Variants in FHOD3 observed in about 807,000 individuals in gnomAD.
FHOD3 encodes the protein formin homology 2 domain containing 3, also known as FH1/FH2 domain-containing protein 3.
In FHOD3, 90 loss-of-function variants were observed where a neutral mutation model predicts 173.0. That is an observed-to-expected ratio of 0.52 (90% CI 0.44 to 0.62). The LOEUF is 0.62. FHOD3 is among the 20% of genes least tolerant of loss of function. The pLI is 0.00. For synonymous variants in FHOD3, 828 were observed against 823.0 expected, an observed-to-expected ratio of 1.01 and a Z score of -0.10; for missense variants, 1,945 against 2,034.7, an observed-to-expected ratio of 0.96 and a Z score of 0.85.
chr18:36,392,133 G>A (rs527510400), intron 3 of FHOD3, among the ~76,000 whole-genome samples: 3 of 152,246 alleles, frequency 2.0e-5, no homozygotes, highest in South Asian at 4.2e-4. Flanking sequence ...CCTTGAGCAG[G>A]CGATTTCTCA....
chr18:36,637,411 A>G (rs2034967370), intron 10 of FHOD3, among the ~76,000 whole-genome samples: 1 of 152,116 alleles, frequency 6.6e-6, no homozygotes, highest in Non-Finnish European at 1.5e-5. Flanking sequence ...TCATGTGAGC[A>G]CATCCAGCTA....
intron 4 of FHOD3, among the ~76,000 whole-genome samples, chr18:36,510,986 A>C (rs1057398601): frequency 6.6e-6 from 1 of 152,164 alleles, no homozygotes; most frequent in South Asian, 2.1e-4. Context: ...TAATTGAAAA[A>C]TGCCATAAAA....
Position 36,742,821 on chromosome 18 carries a change from C to G in FHOD3, c.3844C>G (p.Leu1282Val). 3.1e-6 allele frequency: 5 copies of G among 1,613,982 alleles called. No homozygotes were observed. The highest frequency in any genetic ancestry group is 4.2e-6 in the Non-Finnish European group (5 of 1,179,954). Reference sequence around the variant, plus strand: ...AACCTTGGGCTTTATCCTGTCTACTCTCTTAGCCATTGGGAACTTTCTAAA... The same window carrying G: ...AACCTTGGGCTTTATCCTGTCTACTGTCTTAGCCATTGGGAACTTTCTAAA... ...NKTLGFILST[L>V]LAIGNFLNGT... The change falls in exon 22 of 29, where the codon CTC becomes GTC. Residue 1282 changes from leucine to valine, a missense_variant. Transcript: ENST00000590592.
chr18:36,612,350 G>A (rs927853214), intron 9 of FHOD3, among the ~76,000 whole-genome samples: 19 of 152,186 alleles, frequency 1.2e-4, no homozygotes, highest in African/African-American at 4.3e-4. Context: ...AAATTGGTTA[G>A]CTATTTTCCT....
At chr18:36,430,008 G>A (rs1170525961) in intron 3 of FHOD3, among the ~76,000 whole-genome samples, 1 of 152,148 alleles carries the variant, frequency 6.6e-6, no homozygotes, top group Non-Finnish European at 1.5e-5. Flanking sequence ...AAACCTCTGC[G>A]CTTCTCTCCA....
chr18:36,599,396 A>G (rs189786999), intron 7 of FHOD3, among the ~76,000 whole-genome samples: 13 of 152,360 alleles, frequency 8.5e-5, no homozygotes, highest in African/African-American at 3.1e-4. Flanking sequence ...CCATCCTTTC[A>G]AGCGATCCCA....
rs1467553666 is a variant in FHOD3, at chr18:36,370,429, TG to T, written c.273-2249del. Among the ~76,000 whole-genome samples, 701 of 152,184 alleles carry T rather than the reference TG, an allele frequency of 4.6e-3. 6 individuals are homozygous for T. The highest frequency in any genetic ancestry group is 0.016 in the African/African-American group (675 of 41,516). On this transcript the variant is annotated intron_variant, in intron 2 of 28. Transcript: ENST00000590592. ...TCCGGAAAAGATGACCCCTCCAGGA[TG>T]GTGGGCTTGCTGGGTCTTGGCAGTC... is the stretch of plus-strand genomic sequence containing the variant.
intron 3 of FHOD3, among the ~76,000 whole-genome samples, chr18:36,499,663 A>G (rs1022003977): frequency 6.6e-6 from 1 of 152,180 alleles, no homozygotes; most frequent in Non-Finnish European, 1.5e-5. Flanking sequence ...GGCGTGATGC[A>G]GTAGGAAACC....
rs2036533223 is a variant in FHOD3, at chr18:36,657,990, T to A, written c.1722-85T>A. 4 of 1,016,864 alleles carry A rather than the reference T, an allele frequency of 3.9e-6. No homozygotes were observed. In the African/African-American group the frequency reaches 6.6e-5, roughly 17 times the overall value. 63.0% of individuals were successfully genotyped at this position (1,016,864 alleles called of 1,614,324 possible). ...CCAGACCTGTTTCTCTTGCAAAAAT[T>A]AAAATGGTTTGCTAAGTCTTATTTA... On this transcript the variant is annotated intron_variant, in intron 13 of 28. Transcript: ENST00000590592.
At chr18:36,693,791 G>T (rs1156296789) in intron 17 of FHOD3, among the ~76,000 whole-genome samples, 1 of 152,172 alleles carries the variant, frequency 6.6e-6, no homozygotes, top group African/African-American at 2.4e-5. Flanking sequence ...GTTCTTACCC[G>T]AGGAACTGTT....
At chr18:36,390,366 A>G (rs756879194) in intron 3 of FHOD3, among the ~76,000 whole-genome samples, 1 of 152,188 alleles carries the variant, frequency 6.6e-6, no homozygotes, top group Non-Finnish European at 1.5e-5. Context: ...TTAAGGCCAT[A>G]GTATTCCAGG....
At chr18:36,606,398 A>C (rs916581689) in intron 8 of FHOD3, among the ~76,000 whole-genome samples, 3 of 151,998 alleles carry the variant, frequency 2.0e-5, no homozygotes, top group African/African-American at 7.3e-5. Context: ...GGTGAAACTT[A>C]CGCTCTGTTG....
chr18:36,486,534 A>G (rs946896073), intron 3 of FHOD3, among the ~76,000 whole-genome samples: 1 of 152,176 alleles, frequency 6.6e-6, no homozygotes, highest in Non-Finnish European at 1.5e-5. Flanking sequence ...AGCCCAAAGG[A>G]TGTTTTATAG....
intron 25 of FHOD3, among the ~76,000 whole-genome samples, chr18:36,758,182 A>G (rs1169621943): frequency 6.6e-6 from 1 of 152,234 alleles, no homozygotes; most frequent in Non-Finnish European, 1.5e-5. Context: ...TCACAATGCC[A>G]TTTGGATGAG....
chr18:36,740,137 T>C (rs1038246804), intron 20 of FHOD3, among the ~76,000 whole-genome samples: 1 of 152,224 alleles, frequency 6.6e-6, no homozygotes, highest in Admixed American at 6.5e-5. Flanking sequence ...TAAAAAGGTA[T>C]ACTTTTTTAT....
At chr18:36,340,507 C>A (rs1044779537) in intron 1 of FHOD3, among the ~76,000 whole-genome samples, 1 of 151,498 alleles carries the variant, frequency 6.6e-6, no homozygotes, top group Non-Finnish European at 1.5e-5. Flanking sequence ...CTCACTTGAC[C>A]TCTCATCACA....
At chr18:36,656,879 A>T (rs1464087625) in intron 13 of FHOD3, among the ~76,000 whole-genome samples, 1 of 152,218 alleles carries the variant, frequency 6.6e-6, no homozygotes, top group Non-Finnish European at 1.5e-5. Flanking sequence ...TTCTACCATG[A>T]TCTAAATAAT....
intron 3 of FHOD3, among the ~76,000 whole-genome samples, chr18:36,375,378 C>T (rs895998670): frequency 3.3e-5 from 5 of 152,200 alleles, no homozygotes; most frequent in Non-Finnish European, 5.9e-5. Context: ...GTCTCAGCCT[C>T]GCACCACATG....
At chr18:36,628,993 A>G (rs1255924610) in intron 10 of FHOD3, among the ~76,000 whole-genome samples, 1 of 152,218 alleles carries the variant, frequency 6.6e-6, no homozygotes, top group African/African-American at 2.4e-5. Context: ...AACATTCCAA[A>G]CTATAGAAGT....
Sources: gnomAD v4.1 joint callset for allele counts (sites outside exome capture counted in the v4.1 genomes callset) on GRCh38, gnomAD v4.1.1 for gene constraint, MANE v1.5 for transcripts, NCBI Gene and HGNC (gene_info 2026-07-23, HGNC 2026-07-21) for gene names.